Variants in FAM219A observed in about 807,000 individuals in gnomAD.
The protein encoded by FAM219A is protein FAM219A.
FAM219A carries 7 observed loss-of-function variants against 23.4 expected under a neutral mutation model. The ratio of observed to expected loss-of-function variants is 0.30; its 90% CI spans 0.17 to 0.56. The LOEUF is 0.56. FAM219A is among the 20% of genes least tolerant of loss of function. The probability of loss-of-function intolerance (pLI) is 0.92; values close to 1 mark genes in which losing one functional copy is unlikely to be tolerated. For missense variants in FAM219A, 166 were observed against 246.9 expected (o/e 0.67, Z 2.20); for synonymous variants, 93 against 99.0 (o/e 0.94, Z 0.36).
chr9:34,456,755 C>T (rs1823744246), intron 1 of FAM219A, among the ~76,000 whole-genome samples: 1 of 152,126 alleles, frequency 6.6e-6, no homozygotes, highest in Admixed American at 6.5e-5. Context: ...TCCTGCAACA[C>T]CTCTCTCCGG....
intron 1 of FAM219A, among the ~76,000 whole-genome samples, chr9:34,422,017 T>G (rs1822302195): frequency 6.6e-6 from 1 of 152,074 alleles, no homozygotes; most frequent in Non-Finnish European, 1.5e-5. Context: ...CAAAGAGCCC[T>G]CCACCCTGAC....
intron 1 of FAM219A, among the ~76,000 whole-genome samples, chr9:34,426,858 G>T (rs916427850): frequency 6.6e-6 from 1 of 152,138 alleles, no homozygotes; most frequent in Non-Finnish European, 1.5e-5. Context: ...GTGATCCCCA[G>T]GTTGGGGCTA....
intron 1 of FAM219A, among the ~76,000 whole-genome samples, chr9:34,426,974 G>A (rs1050076017): frequency 2.0e-5 from 3 of 151,728 alleles, no homozygotes; most frequent in African/African-American, 7.3e-5. Context: ...CTCCAGACCA[G>A]GCTAAGAATG....
At chr9:34,414,391 C>A (rs944523080) in intron 1 of FAM219A, among the ~76,000 whole-genome samples, 3 of 152,228 alleles carry the variant, frequency 2.0e-5, no homozygotes, top group African/African-American at 7.2e-5. Flanking sequence ...CAGAGCCAGG[C>A]AATTGGCCAG....
intron 1 of FAM219A, among the ~76,000 whole-genome samples, chr9:34,422,817 T>C (rs952398695): frequency 3.0e-4 from 46 of 152,262 alleles, no homozygotes; most frequent in African/African-American, 1.1e-3. Flanking sequence ...TCAGTTCTGG[T>C]CCTACATTTT....
intron 1 of FAM219A, among the ~76,000 whole-genome samples, chr9:34,424,518 G>T (rs190967333): frequency 1.6e-4 from 25 of 152,312 alleles, no homozygotes; most frequent in African/African-American, 6.0e-4. Context: ...AAGCAGTTAG[G>T]TGGGTAGTCG....
At chr9:34,406,228 C>A in intron 1 of FAM219A, 1 of 936,062 alleles carries the variant, frequency 1.1e-6, no homozygotes, top group African/African-American at 1.8e-5. Flanking sequence ...GTCCAGCCTC[C>A]TCCAGAAAGC....
chr9:34,400,967 C>T lies in FAM219A; in HGVS notation c.555G>A (p.Gln185=), dbSNP rs1563995821. ...GCGACCGCAGTGGCCCCGCCCGCTA[C>T]TGAATGTGGCAGGCGGTGGAGGACG... ...QATSSTACHI[Q] The change falls in exon 6 of 6, where the codon CAG becomes CAA. Residue 185 remains glutamine, a synonymous_variant. Transcript: ENST00000651358. 6.5e-7 allele frequency: 1 copy of T among 1,543,020 alleles called. No homozygotes were observed. The highest frequency in any genetic ancestry group is 8.8e-7 in the Non-Finnish European group (1 of 1,140,046).
chr9:34,441,943 C>T (rs560328836), intron 1 of FAM219A, among the ~76,000 whole-genome samples: 8 of 152,188 alleles, frequency 5.3e-5, no homozygotes, highest in African/African-American at 1.9e-4. Context: ...AGACTGGTTT[C>T]GAACTCCTGG....
At chr9:34,421,005 T>TGA (rs1413300702) in intron 1 of FAM219A, among the ~76,000 whole-genome samples, 8 of 41,458 alleles carry the variant, frequency 1.9e-4, no homozygotes, top group African/African-American at 5.3e-4. Context: ...TGTGTGTGTG[T>TGA]GTGTGAGAGA....
chr9:34,414,157 G>C (rs1181461301), intron 1 of FAM219A, among the ~76,000 whole-genome samples: 3 of 152,210 alleles, frequency 2.0e-5, no homozygotes, highest in Admixed American at 6.5e-5. Context: ...TAGTTAGATG[G>C]CTCTATTTCC....
Position 34,398,186 on chromosome 9 carries a change from G to C in FAM219A, c.*2778C>G. 7.1e-7 allele frequency: 1 copy of C among 1,409,954 alleles called. No individual in the cohort carries two copies. The highest frequency in any genetic ancestry group is 1.2e-5 in the South Asian group (1 of 80,346). 87.3% of individuals were successfully genotyped at this position (1,409,954 alleles called of 1,614,324 possible). A position where few individuals can be genotyped will look rare whatever the true frequency, so the allele number is the denominator to read the frequency against. On this transcript the variant is annotated 3_prime_UTR_variant, in exon 6 of 6. Transcript: ENST00000651358. ...CACCCCAGGGAGGGAGCTGAGGCTG[G>C]CTTGTTTGATGCTTTTAATATCATT...
At chr9:34,429,792 C>T (rs974820731) in intron 1 of FAM219A, among the ~76,000 whole-genome samples, 4 of 152,132 alleles carry the variant, frequency 2.6e-5, no homozygotes, top group South Asian at 2.1e-4. Context: ...ATTGGTAGGC[C>T]GAAAGTCCAG....
chr9:34,421,878 G>A (rs976177468), intron 1 of FAM219A, among the ~76,000 whole-genome samples: 2 of 152,146 alleles, frequency 1.3e-5, no homozygotes, highest in Non-Finnish European at 2.9e-5. Context: ...AGTAGGTCTG[G>A]AACCTGAATT....
intron 1 of FAM219A, among the ~76,000 whole-genome samples, chr9:34,434,201 CAAAAAAAAAAAAAA>C (rs56144317): frequency 4.4e-5 from 2 of 44,954 alleles, no homozygotes; most frequent in South Asian, 9.6e-4. Context: ...GACTCCGTCT[CAAAAAAAAAAAAAA>C]AAAAAAAAAA....
rs536125555 is a variant in FAM219A, at chr9:34,430,760, T to C, written c.61-24796A>G. 1.1e-4 allele frequency among the ~76,000 whole-genome samples: 16 copies of C among 151,966 alleles called. No homozygotes were observed. The East Asian group carries it at 2.9e-3, about 27-fold the overall frequency. On this transcript the variant is annotated intron_variant, in intron 1 of 5. Transcript: ENST00000651358. Reference sequence around the variant, plus strand: ...GGGAGGCTGAGGTGGGAGGATCACCTGAGCCTAGGAGGTGGAAGCTGTAGT... The same window carrying C: ...GGGAGGCTGAGGTGGGAGGATCACCCGAGCCTAGGAGGTGGAAGCTGTAGT...
intron 1 of FAM219A, among the ~76,000 whole-genome samples, chr9:34,426,575 G>A (rs769270917): frequency 3.3e-5 from 5 of 152,202 alleles, no homozygotes; most frequent in South Asian, 2.1e-4. Flanking sequence ...AGGCAATGGC[G>A]CCGTTTCACT....
At chr9:34,407,435 A>G (rs931015783) in intron 1 of FAM219A, among the ~76,000 whole-genome samples, 2 of 152,218 alleles carry the variant, frequency 1.3e-5, no homozygotes, top group African/African-American at 4.8e-5. Flanking sequence ...CAGTATAGTG[A>G]GATCATAGGT....
rs746480767 is a variant in FAM219A at position 34,405,865 on chromosome 9, C to G, written c.160G>C (p.Glu54Gln). The change falls in exon 2 of 6, where the codon GAG becomes CAG. Residue 54 changes from glutamate to glutamine, a missense_variant and splice_region_variant. By Grantham distance (29) the Glu-to-Gln change is conservative. Coordinates refer to ENST00000651358, the MANE Select transcript of FAM219A (RefSeq NM_001184940.2). The stretch of plus-strand genomic sequence containing the variant: ...TCCCTCACCCCCCAGACACACTCAC[C>G]CAGCTTCACTTGGAGCGGGGATGGT... ...YKPSPLQVKL[E>Q]KQRELARKGS... The G allele has an allele frequency of 1.9e-6, 3 of 1,613,846 alleles. No homozygotes were observed. Among genetic ancestry groups the G allele is most frequent in the Non-Finnish European group, 8.5e-7 (1 of 1,179,922 alleles).
Sources: allele counts gnomAD v4.1 joint callset (sites outside exome capture counted in the v4.1 genomes callset), GRCh38; gene constraint gnomAD v4.1.1; transcripts MANE v1.5; gene names NCBI Gene and HGNC (gene_info 2026-07-23, HGNC 2026-07-21).